The following EPHA6 variants were observed in gnomAD, a reference collection of about 807,000 sequenced individuals.
EPHA6 encodes ephrin type-A receptor 6.
A neutral mutation model predicts 112.0 loss-of-function variants in EPHA6; 50 were observed. The observed-to-expected ratio is 0.45, with a 90% confidence interval of 0.36 to 0.56. The LOEUF is 0.56. Among genes scored for constraint, EPHA6 ranks in the 20% least tolerant of loss-of-function variants. The pLI is 0.00. For synonymous variants in EPHA6, 529 were observed against 490.7 expected, an observed-to-expected ratio of 1.08 and a Z score of -1.03; for missense variants, 1,280 against 1,417.4, an observed-to-expected ratio of 0.90 and a Z score of 1.56.
intron 11 of EPHA6, among the ~76,000 whole-genome samples, chr3:97,539,034 T>TCTTG (rs1215698885): frequency 7.7e-5 from 11 of 142,138 alleles, no homozygotes; most frequent in East Asian, 6.2e-4. Context: ...TTTCTTTCTT[T>TCTTG]CTTGCTTTCT....
intron 3 of EPHA6, among the ~76,000 whole-genome samples, chr3:97,144,729 A>C (rs758099987): frequency 2.1e-5 from 3 of 140,114 alleles, no homozygotes; most frequent in African/African-American, 3.2e-5. Flanking sequence ...TTAAAATATA[A>C]GAGTAACTTT....
In EPHA6 at chr3:97,010,018, C is replaced by A. The variant is rs924324320; in HGVS notation, c.1114+22025C>A. 3.4e-6 allele frequency: 4 copies of A among 1,193,636 alleles called. No homozygotes were observed. The African/African-American group carries it at 4.7e-5, about 14-fold the overall frequency. 73.9% of individuals were successfully genotyped at this position (1,193,636 alleles called of 1,614,324 possible). On this transcript the variant is annotated intron_variant, in intron 3 of 17. Transcript: ENST00000389672. ...TTTTTTGATAGGAGCCTCCAAAGGC[C>A]GCTGCTTCTAGTTGGCCATCTTGGC...
At chr3:96,871,394 C>T (rs917525543) in intron 2 of EPHA6, among the ~76,000 whole-genome samples, 6 of 151,926 alleles carry the variant, frequency 3.9e-5, no homozygotes, top group East Asian at 1.9e-4. Flanking sequence ...TAAATATTAT[C>T]ATTAGGAGTA....
At chr3:96,834,398 A>G (rs760549535) in intron 1 of EPHA6, among the ~76,000 whole-genome samples, 5 of 152,018 alleles carry the variant, frequency 3.3e-5, no homozygotes, top group Non-Finnish European at 7.4e-5. Context: ...AGAATGGAAT[A>G]AAAGGCAAAA....
rs1190175900 is a variant in EPHA6 at position 97,096,256 on chromosome 3, CAT to C, written c.1114+108265_1114+108266del. ...ATATATATATATATACACACACACA[CAT>C]ACACACACATACACACCCACACACA... On this transcript the variant is annotated intron_variant, in intron 3 of 17. Coordinates refer to ENST00000389672, the MANE Select transcript of EPHA6 (RefSeq NM_001080448.3). 6.2e-5 allele frequency among the ~76,000 whole-genome samples: 9 copies of C among 146,208 alleles called. No individual in the cohort carries two copies. The South Asian group carries it at 8.4e-4, about 14-fold the overall frequency.
intron 13 of EPHA6, among the ~76,000 whole-genome samples, chr3:97,625,312 T>C (rs2093846503): frequency 6.6e-6 from 1 of 151,742 alleles, no homozygotes; most frequent in Admixed American, 6.6e-5. Flanking sequence ...ATTGGTTGTC[T>C]AAGAGTTTAT....
chr3:97,503,280 A>G (rs1280332814), intron 10 of EPHA6, among the ~76,000 whole-genome samples: 1 of 152,174 alleles, frequency 6.6e-6, no homozygotes, highest in East Asian at 1.9e-4. Context: ...AGTTTTTTTG[A>G]AAGTTTTACG....
chr3:97,440,342 C>A (rs759110436), intron 6 of EPHA6, among the ~76,000 whole-genome samples: 55 of 151,972 alleles, frequency 3.6e-4, no homozygotes, highest in Non-Finnish European at 6.6e-4. Context: ...AAACATCTTA[C>A]AGGCACTCTC....
chr3:97,251,584 T>A (rs1301159668), intron 5 of EPHA6, among the ~76,000 whole-genome samples: 3 of 152,136 alleles, frequency 2.0e-5, no homozygotes, highest in Non-Finnish European at 2.9e-5. Flanking sequence ...ATTCTGATCA[T>A]CATTAAAAAT....
At chr3:97,665,807 C>T (rs1296224986) in intron 14 of EPHA6, among the ~76,000 whole-genome samples, 3 of 152,148 alleles carry the variant, frequency 2.0e-5, no homozygotes, top group Admixed American at 6.5e-5. Flanking sequence ...CCTGTAATCC[C>T]GGCACTTTGG....
chr3:97,491,213 G>A (rs1479698249), intron 10 of EPHA6, among the ~76,000 whole-genome samples: 1 of 152,178 alleles, frequency 6.6e-6, no homozygotes, highest in Non-Finnish European at 1.5e-5. Context: ...AGGATGCAGG[G>A]ATCATTGCAG....
chr3:97,089,094 C>T (rs1280045510), intron 3 of EPHA6, among the ~76,000 whole-genome samples: 1 of 152,020 alleles, frequency 6.6e-6, no homozygotes, highest in African/African-American at 2.4e-5. Context: ...CCAGGAGAGA[C>T]ACTAATGTGG....
At chr3:97,225,991 G>A (rs1015423711) in intron 3 of EPHA6, among the ~76,000 whole-genome samples, 19 of 152,088 alleles carry the variant, frequency 1.2e-4, no homozygotes, top group African/African-American at 3.9e-4. Flanking sequence ...TTGTGTGCAC[G>A]TGCCCGTGTG....
chr3:97,192,925 C>T (rs886450561), intron 3 of EPHA6, among the ~76,000 whole-genome samples: 1 of 151,956 alleles, frequency 6.6e-6, no homozygotes, highest in Non-Finnish European at 1.5e-5. Context: ...TTCTTGGCAC[C>T]TTTGTTGAAA....
At chr3:96,954,340 A>G (rs1010797960) in intron 2 of EPHA6, among the ~76,000 whole-genome samples, 1 of 152,204 alleles carries the variant, frequency 6.6e-6, no homozygotes, top group Non-Finnish European at 1.5e-5. Context: ...AAAGCCTGCC[A>G]CAGCTTTGGT....
intron 2 of EPHA6, among the ~76,000 whole-genome samples, chr3:96,881,209 T>A (rs1269546515): frequency 6.6e-6 from 1 of 152,190 alleles, no homozygotes; most frequent in Admixed American, 6.5e-5. Context: ...TTATTCTTTT[T>A]TTAATGTATG....
chr3:97,087,704 T>C (rs945052367), intron 3 of EPHA6, among the ~76,000 whole-genome samples: 3 of 152,158 alleles, frequency 2.0e-5, no homozygotes, highest in African/African-American at 7.2e-5. Flanking sequence ...GAAATGACAG[T>C]AGTGAGTAAC....
At chr3:97,324,046 G>A (rs146933370) in intron 5 of EPHA6, among the ~76,000 whole-genome samples, 1 of 151,790 alleles carries the variant, frequency 6.6e-6, no homozygotes, top group Non-Finnish European at 1.5e-5. Flanking sequence ...GAACCACAGG[G>A]GTTTATAAGA....
intron 5 of EPHA6, among the ~76,000 whole-genome samples, chr3:97,391,397 C>G (rs368502167): frequency 3.3e-5 from 5 of 151,930 alleles, no homozygotes; most frequent in Admixed American, 2.0e-4. Flanking sequence ...ACCGTTGGTA[C>G]AGTACAGTTT....
Sources: gnomAD v4.1 joint callset for allele counts (sites outside exome capture counted in the v4.1 genomes callset) on GRCh38, gnomAD v4.1.1 for gene constraint, MANE v1.5 for transcripts, NCBI Gene and HGNC (gene_info 2026-07-23, HGNC 2026-07-21) for gene names.